Variants in KAZN observed in about 807,000 individuals in gnomAD.
KAZN encodes the protein kazrin, periplakin interacting protein.
KAZN carries 40 observed loss-of-function variants against 87.4 expected under a neutral mutation model. That is an observed-to-expected ratio of 0.46 (90% confidence interval 0.36 to 0.60). KAZN has a LOEUF of 0.60. Ranked by LOEUF, KAZN falls within the 20% of genes least tolerant of loss-of-function variation. The probability of loss-of-function intolerance (pLI) is 0.00; values close to 1 mark genes in which losing one functional copy is unlikely to be tolerated. For synonymous variants in KAZN, 466 were observed against 458.3 expected (o/e 1.02, Z -0.22); for missense variants, 898 against 1,073.9 (o/e 0.84, Z 2.29).
rs74059633 is a variant in KAZN, at chr1:14,869,121, G to A, written c.227-91563G>A. 7.1e-3 allele frequency among the ~76,000 whole-genome samples: 1,087 copies of A among 152,274 alleles called. 15 individuals are homozygous for A. Among genetic ancestry groups the A allele is most frequent in the African/African-American group, 0.025 (1,049 of 41,556 alleles). On this transcript the variant is annotated intron_variant, in intron 1 of 14. Transcript: ENST00000376030. ...CAGACTTGCCAAAGCCATGACAGCT[G>A]GATCCTATTCTAGCCGCAGGTTGGG... is the stretch of plus-strand genomic sequence containing the variant.
chr1:14,218,508 G>A (rs951225151), intron 2 of KAZN, among the ~76,000 whole-genome samples: 3 of 152,110 alleles, frequency 2.0e-5, no homozygotes, highest in Admixed American at 6.6e-5. Context: ...CACATACCTC[G>A]TTAGCAAGGA....
At chr1:14,677,922 GA>G (rs1050651417) in intron 1 of KAZN, among the ~76,000 whole-genome samples, 8 of 152,184 alleles carry the variant, frequency 5.3e-5, no homozygotes, top group Non-Finnish European at 8.8e-5. Flanking sequence ...GCTTTACGGA[GA>G]AAACACAGAT....
In KAZN at chr1:14,039,743, G is replaced by A. The variant is rs148696658; in HGVS notation, c.92-140692G>A. ...GTAGTGTTGCATCCTTGGAGATTTA[G>A]AGAAAACCCTGACATTCATGCACTC... On this transcript the variant is annotated intron_variant, in intron 1 of 16. Coordinates refer to the KAZN transcript ENST00000636203. Among the ~76,000 whole-genome samples, 4 of 152,304 alleles carry A rather than the reference G, an allele frequency of 2.6e-5. No individual in the cohort carries two copies. The East Asian group carries it at 7.7e-4, about 29-fold the overall frequency.
chr1:14,477,931 C>T (rs1668843558), intron 2 of KAZN, among the ~76,000 whole-genome samples: 1 of 152,276 alleles, frequency 6.6e-6, no homozygotes, highest in East Asian at 1.9e-4. Context: ...TTCTCAGATG[C>T]CATCCAGAAA....
intron 8 of KAZN, among the ~76,000 whole-genome samples, chr1:15,071,934 A>G (rs1639524349): frequency 6.6e-6 from 1 of 152,236 alleles, no homozygotes; most frequent in South Asian, 2.1e-4. Flanking sequence ...TCGCACCAAT[A>G]CAAGAGAACC....
intron 1 of KAZN, among the ~76,000 whole-genome samples, chr1:14,730,171 C>A (rs1026628842): frequency 6.6e-6 from 1 of 152,094 alleles, no homozygotes; most frequent in Non-Finnish European, 1.5e-5. Flanking sequence ...GAAACCTCTG[C>A]CTCCCGGGTT....
At chr1:14,641,431 A>T (rs2148675831) in intron 1 of KAZN, among the ~76,000 whole-genome samples, 1 of 152,292 alleles carries the variant, frequency 6.6e-6, no homozygotes, top group East Asian at 1.9e-4. Flanking sequence ...TTCCCCTAAA[A>T]GCCAGTAGCA....
chr1:14,371,414 C>T (rs1660475066), intron 2 of KAZN, among the ~76,000 whole-genome samples: 1 of 152,104 alleles, frequency 6.6e-6, no homozygotes, highest in Non-Finnish European at 1.5e-5. Flanking sequence ...CAAGGCTAAG[C>T]CCACCCCCTG....
At chr1:14,383,034 C>T (rs1032414747) in intron 2 of KAZN, among the ~76,000 whole-genome samples, 3 of 151,086 alleles carry the variant, frequency 2.0e-5, no homozygotes, top group Admixed American at 6.6e-5. Flanking sequence ...GATGGTATCT[C>T]GTTGTGGTTT....
intron 1 of KAZN, among the ~76,000 whole-genome samples, chr1:14,091,425 ATGTATGTGTGCT>A (rs1235926609): frequency 6.6e-6 from 1 of 152,036 alleles, no homozygotes; most frequent in Non-Finnish European, 1.5e-5. Flanking sequence ...AAGTGTGTGT[ATGTATGTGTGCT>A]TGTATGTGTG....
At chr1:14,217,522 T>C (rs1646984952) in intron 2 of KAZN, among the ~76,000 whole-genome samples, 1 of 151,862 alleles carries the variant, frequency 6.6e-6, no homozygotes, top group South Asian at 2.1e-4. Context: ...AAAATGGAAA[T>C]TTTTTTAAGG....
intron 2 of KAZN, among the ~76,000 whole-genome samples, chr1:14,529,261 G>A (rs969907182): frequency 2.6e-5 from 4 of 152,152 alleles, no homozygotes; most frequent in Admixed American, 6.5e-5. Flanking sequence ...CTGAGATCGC[G>A]CCATTGCACC....
chr1:14,743,567 C>G (rs967220085), intron 1 of KAZN, among the ~76,000 whole-genome samples: 7 of 152,052 alleles, frequency 4.6e-5, no homozygotes, highest in African/African-American at 1.2e-4. Context: ...CAAAATGAAC[C>G]CTTCATTGGT....
At chr1:15,038,185 T>G (rs1347637469) in intron 3 of KAZN, among the ~76,000 whole-genome samples, 1 of 151,886 alleles carries the variant, frequency 6.6e-6, no homozygotes, top group African/African-American at 2.4e-5. Context: ...GCCAGGGAGG[T>G]TGAGGTGGCA....
At chr1:14,509,694 C>G (rs1670800018) in intron 2 of KAZN, among the ~76,000 whole-genome samples, 1 of 152,162 alleles carries the variant, frequency 6.6e-6, no homozygotes, top group African/African-American at 2.4e-5. Flanking sequence ...ACAAGACAGA[C>G]AATGCTGTGT....
chr1:14,385,690 A>G (rs1170624457), intron 2 of KAZN, among the ~76,000 whole-genome samples: 1 of 151,322 alleles, frequency 6.6e-6, no homozygotes, highest in Non-Finnish European at 1.5e-5. Context: ...GTTTGTTATA[A>G]TTTCTGTTCT....
intron 1 of KAZN, among the ~76,000 whole-genome samples, chr1:14,603,121 T>C (rs1262180059): frequency 6.6e-6 from 1 of 152,252 alleles, no homozygotes; most frequent in Non-Finnish European, 1.5e-5. Flanking sequence ...GTGTGAGTAG[T>C]CTGTGGAGAC....
intron 2 of KAZN, among the ~76,000 whole-genome samples, chr1:14,363,954 CT>C (rs1659738610): frequency 7.0e-6 from 1 of 142,434 alleles, no homozygotes; most frequent in Non-Finnish European, 1.5e-5. Context: ...TTATCAGAGC[CT>C]TTACTCACAA....
chr1:14,377,102 G>A (rs1389465905), intron 2 of KAZN, among the ~76,000 whole-genome samples: 2 of 152,042 alleles, frequency 1.3e-5, no homozygotes, highest in Non-Finnish European at 2.9e-5. Flanking sequence ...TTATTTCCAA[G>A]TGAAAGCTAG....
Sources: allele counts gnomAD v4.1 joint callset (sites outside exome capture counted in the v4.1 genomes callset), GRCh38; gene constraint gnomAD v4.1.1; transcripts MANE v1.5; gene names NCBI Gene and HGNC (gene_info 2026-07-23, HGNC 2026-07-21).